Variants in NRK observed in about 807,000 individuals in gnomAD.
NRK encodes nik-related protein kinase.
In NRK, 67 loss-of-function variants were observed where a neutral mutation model predicts 125.2. The ratio of observed to expected loss-of-function variants is 0.54; its 90% CI spans 0.44 to 0.66. The LOEUF (loss-of-function observed/expected upper bound fraction) is 0.66, where lower values mean the gene tolerates loss of function less well. Ranked by LOEUF, NRK falls within the 30% of genes least tolerant of loss-of-function variation. The probability of loss-of-function intolerance (pLI) is 0.00; values close to 1 mark genes in which losing one functional copy is unlikely to be tolerated. For synonymous variants in NRK, 458 were observed against 429.0 expected (o/e 1.07, Z -0.84); for missense variants, 1,224 against 1,192.9 (o/e 1.03, Z -0.38).
intron 2 of NRK, among the ~76,000 whole-genome samples, chrX:105,848,919 T>C (rs1363943219): frequency 8.9e-6 from 1 of 112,242 alleles, no homozygotes; most frequent in Non-Finnish European, 1.9e-5. Context: ...TTTATTATTA[T>C]GTAAAATTTT....
At chrX:105,843,979 G>C (rs2039363757) in intron 2 of NRK, among the ~76,000 whole-genome samples, 1 of 59,457 alleles carries the variant, frequency 1.7e-5, no homozygotes, top group South Asian at 7.3e-4. Flanking sequence ...CCTGCACTCT[G>C]TGTGTGTGTG....
intron 2 of NRK, 122 bp downstream of exon 2, chrX:105,831,241 TTAGA>T (rs762249160): frequency 6.5e-5 from 31 of 474,954 alleles, no homozygotes; most frequent in Non-Finnish European, 1.0e-4. Flanking sequence ...AGAAATCAAA[TTAGA>T]TAGCCCAGTG....
At chrX:105,829,871 T>A (rs1358823694) in intron 1 of NRK, among the ~76,000 whole-genome samples, 1 of 111,396 alleles carries the variant, frequency 9.0e-6, no homozygotes, top group African/African-American at 3.3e-5. Context: ...GGTATTTCTT[T>A]TTTAAGAGCT....
chrX:105,926,069 G>A lies in NRK; in HGVS notation c.3312+1038G>A, dbSNP rs148134613. Among the ~76,000 whole-genome samples, 3 of 110,859 alleles carry A rather than the reference G, an allele frequency of 2.7e-5. No homozygotes were observed. In the East Asian group the frequency reaches 8.6e-4, roughly 32 times the overall value. ...TGTAGTAGTTTACATTCCCACCAAC[G>A]GTATATAAAAGTTCCCTTTTCTCCA... On this transcript the variant is annotated intron_variant, in intron 19 of 28. Coordinates refer to ENST00000243300, the MANE Select transcript of NRK (RefSeq NM_198465.4).
intron 2 of NRK, among the ~76,000 whole-genome samples, chrX:105,870,780 C>T (rs766015676): frequency 3.0e-4 from 34 of 111,647 alleles, no homozygotes; most frequent in African/African-American, 1.0e-3. Context: ...GCTACAAAGC[C>T]ACTGAAACTA....
intron 1 of NRK, among the ~76,000 whole-genome samples, chrX:105,830,125 C>T (rs1418985257): frequency 2.8e-5 from 3 of 107,243 alleles, no homozygotes; most frequent in African/African-American, 1.0e-4. Flanking sequence ...GGGTGGATCA[C>T]GAGGTCAGGA....
chrX:105,924,691 T>G lies in NRK; in HGVS notation c.2976-4T>G. 2 of 1,182,194 alleles carry G rather than the reference T, an allele frequency of 1.7e-6. No individual in the cohort carries two copies. The highest frequency in any genetic ancestry group is 2.3e-6 in the Non-Finnish European group (2 of 880,072). On this transcript the variant is annotated splice_region_variant and splice_polypyrimidine_tract_variant and intron_variant, in intron 18 of 28. Transcript: ENST00000243300. ...TTCTTTCATTAATTGGAGCTTGTTG[T>G]CAGGGCAAGCTATGGCAGAGATGGA...
At chrX:105,896,760 T>C (rs184078079) in intron 7 of NRK, among the ~76,000 whole-genome samples, 1 of 111,581 alleles carries the variant, frequency 9.0e-6, no homozygotes, top group African/African-American at 3.3e-5. Context: ...GGAGGATCAC[T>C]TGAGCCTAGG....
At chrX:105,922,500 T>C (rs2040464873) in intron 17 of NRK, among the ~76,000 whole-genome samples, 1 of 112,063 alleles carries the variant, frequency 8.9e-6, no homozygotes, top group Admixed American at 9.4e-5. Flanking sequence ...GTGAACATGT[T>C]TAAATTGTTC....
At chrX:105,847,135 A>G (rs6523855) in intron 2 of NRK, among the ~76,000 whole-genome samples, 12,744 of 111,347 alleles carry the variant, frequency 0.11, 1,798 homozygotes, top group African/African-American at 0.4. Flanking sequence ...GTACATTTGT[A>G]CATGATATAC....
At chrX:105,949,354 T>C (rs1425762030) in intron 26 of NRK, among the ~76,000 whole-genome samples, 1 of 112,064 alleles carries the variant, frequency 8.9e-6, no homozygotes, top group Non-Finnish European at 1.9e-5. Flanking sequence ...GGCTTTCTCC[T>C]AATTATAAAG....
intron 13 of NRK, 58 bp downstream of exon 13, chrX:105,909,940 C>G (rs1416145874): frequency 6.2e-6 from 6 of 974,273 alleles, no homozygotes; most frequent in Non-Finnish European, 8.2e-6. Context: ...TGTGATAGCT[C>G]ATGCGGATGT....
intron 1 of NRK, 91 bp downstream of exon 1, chrX:105,822,993 C>CT (rs773314327): frequency 1.2e-6 from 1 of 835,961 alleles, no homozygotes. Flanking sequence ...TCAAAACGGG[C>CT]TAGACCAGGA....
intron 2 of NRK, among the ~76,000 whole-genome samples, chrX:105,847,617 G>C (rs2039419101): frequency 8.9e-6 from 1 of 112,286 alleles, no homozygotes; most frequent in African/African-American, 3.2e-5. Flanking sequence ...AAAAAAGCTA[G>C]ACAGTTGAAG....
intron 1 of NRK, among the ~76,000 whole-genome samples, chrX:105,827,440 A>G (rs1052616040): frequency 9.0e-6 from 1 of 111,337 alleles, no homozygotes; most frequent in Non-Finnish European, 1.9e-5. Flanking sequence ...AGTCTCTGCC[A>G]TATTTGGTTC....
At chrX:105,824,235 T>C (rs1465124240) in intron 1 of NRK, among the ~76,000 whole-genome samples, 2 of 111,967 alleles carry the variant, frequency 1.8e-5, no homozygotes, top group Non-Finnish European at 3.8e-5. Context: ...CTTTTTAAAA[T>C]TAAATCTTTT....
intron 2 of NRK, among the ~76,000 whole-genome samples, chrX:105,858,026 TC>T (rs1348250088): frequency 9.0e-6 from 1 of 111,144 alleles, no homozygotes; most frequent in Non-Finnish European, 1.9e-5. Context: ...ACTGTTCTCT[TC>T]TCTATCTTCT....
chrX:105,911,517 T>C (rs757115591), intron 13 of NRK, among the ~76,000 whole-genome samples: 1 of 111,701 alleles, frequency 9.0e-6, no homozygotes, highest in Non-Finnish European at 1.9e-5. Context: ...TTTGAGTTTG[T>C]GCACATTGAG....
intron 1 of NRK, among the ~76,000 whole-genome samples, chrX:105,826,330 AATAG>A (rs1487106276): frequency 1.1e-5 from 1 of 87,164 alleles, no homozygotes; most frequent in African/African-American, 4.4e-5. Flanking sequence ...TCATATATAT[AATAG>A]ATAATATATA....
Sources: allele counts gnomAD v4.1 joint callset (sites outside exome capture counted in the v4.1 genomes callset), GRCh38; gene constraint gnomAD v4.1.1; transcripts MANE v1.5; gene names NCBI Gene and HGNC (gene_info 2026-07-23, HGNC 2026-07-21).